CSMD2: variants seen among roughly 807,000 people sequenced by gnomAD.
The protein encoded by CSMD2 is CUB and sushi domain-containing protein 2.
CSMD2 carries 130 observed loss-of-function variants against 398.5 expected under a neutral mutation model. That is an observed-to-expected ratio of 0.33 (90% CI 0.28 to 0.38). The LOEUF (loss-of-function observed/expected upper bound fraction) is 0.38, where lower values mean the gene tolerates loss of function less well. CSMD2 is among the 10% of genes least tolerant of loss of function. CSMD2 has a pLI of 1.00. For missense variants in CSMD2, 3,829 were observed against 4,764.9 expected (o/e 0.80, Z 5.78); for synonymous variants, 1,828 against 1,908.5 (o/e 0.96, Z 1.10).
chr1:34,001,279 A>G (rs187419822), intron 3 of CSMD2, among the ~76,000 whole-genome samples: 2 of 152,340 alleles, frequency 1.3e-5, no homozygotes, highest in Admixed American at 1.3e-4. Context: ...CGACAAAAAC[A>G]TCCCTGAAAT....
intron 3 of CSMD2, among the ~76,000 whole-genome samples, chr1:34,012,172 C>G (rs183632829): frequency 6.6e-6 from 1 of 152,150 alleles, no homozygotes; most frequent in Non-Finnish European, 1.5e-5. Context: ...CCCATCCCCA[C>G]GAGCCACCCA....
rs1642574180 is a variant in CSMD2 at position 33,633,247 on chromosome 1, G to A, written c.5200+175C>T. On this transcript the variant is annotated intron_variant, in intron 32 of 70. Coordinates refer to ENST00000373381, the MANE Select transcript of CSMD2 (RefSeq NM_001281956.2). This position sits in a 1 kb window ranked among gnomAD's most constrained non-coding sequence, Gnocchi z 5.0. The stretch of plus-strand genomic sequence containing the variant: ...AGGGCAGCTGCTGAAGGCCCCGCTA[G>A]TTGGAGCTCTCACGAGCTGGCTGCT... Among the ~76,000 whole-genome samples the A allele has an allele frequency of 6.6e-6, 1 of 152,196 alleles. No homozygotes were observed. Among genetic ancestry groups the A allele is most frequent in the Admixed American group, 6.5e-5 (1 of 15,282 alleles).
chr1:34,082,056 C>T (rs1657230769), intron 2 of CSMD2, among the ~76,000 whole-genome samples: 4 of 151,688 alleles, frequency 2.6e-5, no homozygotes, highest in East Asian at 2.0e-4. Flanking sequence ...GCCGTCATCC[C>T]GTCTAGGAAG....
intron 9 of CSMD2, among the ~76,000 whole-genome samples, chr1:33,815,047 C>G (rs902234130): frequency 6.6e-6 from 1 of 152,020 alleles, no homozygotes; most frequent in South Asian, 2.1e-4. Flanking sequence ...ATCTCTAATC[C>G]TGGGGGCTGG....
At chr1:34,012,003 T>C (rs1647405437) in intron 3 of CSMD2, among the ~76,000 whole-genome samples, 1 of 152,202 alleles carries the variant, frequency 6.6e-6, no homozygotes, top group African/African-American at 2.4e-5. Context: ...ACAGTGAGAC[T>C]ATAAACATCG....
In CSMD2 at chr1:33,557,774, C is replaced by G. The variant is rs1658170149; in HGVS notation, c.8703G>C (p.Gln2901His). Residue 2901 changes from glutamine (Q) to histidine (H), a missense_variant, in exon 55 of 71, where the codon CAG (glutamine) becomes CAC (histidine). Transcript: ENST00000373381. ...GGGGACGGTCCCATGTGCCATCTCC[C>G]TGGCAGCTGAGCACTGGGGTGCCCA... ...YLLGTPVLSC[Q>H]GDGTWDRPRP... 4 of 1,536,114 alleles carry G rather than the reference C, an allele frequency of 2.6e-6. No homozygotes were observed. Among genetic ancestry groups the G allele is most frequent in the Non-Finnish European group, 3.5e-6 (4 of 1,146,906 alleles).
Position 33,775,852 on chromosome 1 carries a change from T to C in CSMD2, c.1664-3101A>G, listed in dbSNP as rs370120390. Among the ~76,000 whole-genome samples the C allele has an allele frequency of 3.3e-5, 5 of 152,250 alleles. No individual in the cohort carries two copies. In the East Asian group the frequency reaches 9.7e-4, roughly 29 times the overall value. On this transcript the variant is annotated intron_variant, in intron 12 of 70. Coordinates refer to ENST00000373381, the MANE Select transcript of CSMD2 (RefSeq NM_001281956.2). ...TAGGACAGGACAGTTAGGAACAATG[T>C]AGGGACCAGCAGAATGCTAGACTGG...
intron 10 of CSMD2, among the ~76,000 whole-genome samples, chr1:33,793,042 C>T (rs1569969527): frequency 6.6e-6 from 1 of 152,326 alleles, no homozygotes. Flanking sequence ...TTAATCCTGC[C>T]TTCCACAAAT....
intron 62 of CSMD2, 57 bp downstream of exon 62, chr1:33,536,965 G>C (rs1655855930): frequency 6.5e-7 from 1 of 1,539,052 alleles, no homozygotes; most frequent in Non-Finnish European, 9.0e-7. Flanking sequence ...CTCTTATGTT[G>C]ACAGTGACAA....
At chr1:33,609,551 T>A (rs958045267) in intron 41 of CSMD2, among the ~76,000 whole-genome samples, 3 of 152,222 alleles carry the variant, frequency 2.0e-5, no homozygotes, top group Admixed American at 6.5e-5. Flanking sequence ...AGAATAATCC[T>A]GGGTTTGGAG....
Position 33,519,662 on chromosome 1 carries a change from A to G in CSMD2, c.10752T>C (p.Val3584=), listed in dbSNP as rs750787323. Residue 3584 remains valine (V), a synonymous_variant, in exon 70 of 71, where the codon GTT becomes GTC. Coordinates refer to ENST00000373381, the MANE Select transcript of CSMD2 (RefSeq NM_001281956.2). This position sits in a 1 kb window ranked among gnomAD's most constrained non-coding sequence, Gnocchi z 5.6. ...YLYKHRRRPK[V]PFNGYAGHEN... is the part of the protein sequence containing the mutation. ...CGTGGCCAGCATAGCCATTGAAAGGAACTTTGGGTCTTCTCCTGGCGATAA... is the reference window on the plus strand; with the variant it reads ...CGTGGCCAGCATAGCCATTGAAAGGGACTTTGGGTCTTCTCCTGGCGATAA... 31 of 1,613,554 alleles carry G rather than the reference A, an allele frequency of 1.9e-5. No individual in the cohort carries two copies. Among genetic ancestry groups the G allele is most frequent in the Non-Finnish European group, 2.6e-5 (31 of 1,179,952 alleles).
intron 9 of CSMD2, among the ~76,000 whole-genome samples, chr1:33,817,032 T>C (rs959799020): frequency 1.3e-5 from 2 of 152,236 alleles, no homozygotes; most frequent in African/African-American, 4.8e-5. Flanking sequence ...AAGAGTTTTG[T>C]TCGTTTTCAT....
intron 3 of CSMD2, among the ~76,000 whole-genome samples, chr1:33,975,486 T>TACACACACACACACACACACACACACAC (rs57095754): frequency 7.5e-5 from 11 of 146,464 alleles, no homozygotes; most frequent in African/African-American, 2.8e-4. Context: ...CTCCCAAGTG[T>TACACACACACACACACACACACACACAC]ACACACACAC....
At chr1:34,089,219 A>G (rs1261205867) in intron 1 of CSMD2, 26 bp from the exon 2 acceptor site, 3 of 1,587,710 alleles carry the variant, frequency 1.9e-6, no homozygotes, top group East Asian at 4.5e-5. Context: ...GGAGCAGTTC[A>G]GAATAGCCAG....
intron 47 of CSMD2, among the ~76,000 whole-genome samples, chr1:33,581,815 TGGAAA>T (rs1310919231): frequency 1.3e-5 from 2 of 152,100 alleles, no homozygotes; most frequent in Non-Finnish European, 2.9e-5. Context: ...TTTATCACTC[TGGAAA>T]AGGCCCTGAA....
chr1:33,699,656 C>T (rs565996394), intron 23 of CSMD2, among the ~76,000 whole-genome samples: 3 of 152,204 alleles, frequency 2.0e-5, no homozygotes, highest in Non-Finnish European at 4.4e-5. Flanking sequence ...GACTATACTC[C>T]GTGCATGATT....
chr1:33,642,449 A>C (rs1643167782), intron 29 of CSMD2, among the ~76,000 whole-genome samples: 1 of 152,264 alleles, frequency 6.6e-6, no homozygotes, highest in Middle Eastern at 3.4e-3. Context: ...GGAGAATGGA[A>C]AAGCAAGGAA....
intron 2 of CSMD2, among the ~76,000 whole-genome samples, chr1:34,039,239 G>C (rs1484156771): frequency 2.0e-5 from 3 of 152,136 alleles, no homozygotes; most frequent in African/African-American, 7.2e-5. Flanking sequence ...GCTTGGCCAG[G>C]GAGATTTGGG....
At chr1:34,084,252 C>T (rs1315956068) in intron 2 of CSMD2, among the ~76,000 whole-genome samples, 1 of 152,182 alleles carries the variant, frequency 6.6e-6, no homozygotes, top group Non-Finnish European at 1.5e-5. Flanking sequence ...CATGGAAACT[C>T]CCACCCTTCC....
Sources: allele counts gnomAD v4.1 joint callset (sites outside exome capture counted in the v4.1 genomes callset), GRCh38; gene constraint gnomAD v4.1.1; non-coding constraint Gnocchi (gnomAD v3.1); transcripts MANE v1.5; gene names NCBI Gene and HGNC (gene_info 2026-07-23, HGNC 2026-07-21).